EDRF1: variants seen among roughly 807,000 people sequenced by gnomAD.
EDRF1 encodes the protein erythroid differentiation regulatory factor 1.
A neutral mutation model predicts 148.7 loss-of-function variants in EDRF1; 69 were observed. That is an observed-to-expected ratio of 0.46 (90% CI 0.38 to 0.57). The LOEUF (loss-of-function observed/expected upper bound fraction) is 0.57. Ranked by LOEUF, EDRF1 falls within the 20% of genes least tolerant of loss-of-function variation. The pLI is 0.00. For missense variants in EDRF1, 1,118 were observed against 1,478.7 expected, an observed-to-expected ratio of 0.76 and a Z score of 4.00; for synonymous variants, 515 against 532.8, an observed-to-expected ratio of 0.97 and a Z score of 0.46.
At chr10:125,756,087 A>G (rs1849887482) in intron 24 of EDRF1, among the ~76,000 whole-genome samples, 1 of 152,194 alleles carries the variant, frequency 6.6e-6, no homozygotes, top group Admixed American at 6.5e-5. Context: ...TTTGCTGCCA[A>G]AAATTTTCTT....
intron 24 of EDRF1, among the ~76,000 whole-genome samples, chr10:125,755,293 G>A (rs1202760561): frequency 2.0e-5 from 3 of 152,154 alleles, no homozygotes; most frequent in African/African-American, 7.2e-5. Flanking sequence ...CTTGTTTAGT[G>A]GATTACGTTG....
At chr10:125,738,269 A>G in intron 14 of EDRF1, 26 bp from the exon 15 acceptor site, 1 of 1,613,946 alleles carries the variant, frequency 6.2e-7, no homozygotes, top group African/African-American at 1.3e-5. Flanking sequence ...TTAGATAGAT[A>G]GTGAATGCTT....
chr10:125,740,744 C>T, intron 16 of EDRF1, 93 bp downstream of exon 16: 1 of 1,356,756 alleles, frequency 7.4e-7, no homozygotes, highest in Non-Finnish European at 1.0e-6. Flanking sequence ...TCCTATTTTT[C>T]TAGTAAATCT....
In EDRF1 at chr10:125,735,713, T is replaced by A. The variant is rs1310319470; in HGVS notation, c.1567T>A (p.Ser523Thr). The part of the protein sequence containing the change: ...QLDEPKKEEN[S>T]ESPLNENSDE... ...GGATGAACCTAAAAAGGAAGAAAAT[T>A]CAGAATCTCCTTTAAATGAGAATTC... Residue 523 changes from serine to threonine, a missense_variant, in exon 13 of 25, where the codon TCA becomes ACA. This residue lies in a region of EDRF1 where 954 missense variants were observed against 1,241.4 expected (regional missense o/e 0.77). Coordinates refer to ENST00000356792, the MANE Select transcript of EDRF1 (RefSeq NM_001202438.2). 3 of 1,613,524 alleles carry A rather than the reference T, an allele frequency of 1.9e-6. No homozygotes were observed. The African/African-American group carries it at 4.0e-5, about 22-fold the overall frequency.
Position 125,719,993 on chromosome 10 carries a change from T to C in EDRF1, c.108+78T>C. 5 of 1,337,074 alleles carry C rather than the reference T, an allele frequency of 3.7e-6. No individual in the cohort carries two copies. In the South Asian group the frequency reaches 6.1e-5, roughly 16 times the overall value. The allele number at this position is 1,337,074 out of a possible 1,614,324, so 82.8% of individuals were successfully genotyped here. A position where few individuals can be genotyped will look rare whatever the true frequency, so the allele number is the denominator to read the frequency against. On this transcript the variant is annotated intron_variant, in intron 1 of 24. Coordinates refer to ENST00000356792, the MANE Select transcript of EDRF1 (RefSeq NM_001202438.2). The stretch of plus-strand genomic sequence containing the variant: ...CTCCACCGGGGAGGGATGCCACGGT[T>C]CCCGGCAGATTCTGGAGGCTTCTCC...
In EDRF1 at chr10:125,737,850, C is replaced by T. The variant is rs530362837; in HGVS notation, c.1759-68C>T. The stretch of plus-strand genomic sequence containing the variant: ...ATAATGCTTACAGTAATTTAATCTT[C>T]AACAAAAACAATATGTTGACCTTAA... On this transcript the variant is annotated intron_variant, in intron 13 of 24. Transcript: ENST00000356792. 4.7e-6 allele frequency: 7 copies of T among 1,479,028 alleles called. No homozygotes were observed. In the African/African-American group the frequency reaches 8.3e-5, roughly 18 times the overall value. The allele number at this position is 1,479,028 out of a possible 1,614,324, so 91.6% of individuals were successfully genotyped here.
intron 20 of EDRF1, 53 bp from the exon 21 acceptor site, chr10:125,747,810 C>T: frequency 6.2e-7 from 1 of 1,611,900 alleles, no homozygotes; most frequent in Non-Finnish European, 8.5e-7. Context: ...TTTAAAAACT[C>T]CTACAGTCAG....
rs1011876252 is a variant in EDRF1, at chr10:125,747,483, A to G, written c.2815-53A>G. ...GAAGTGTGTTTTATTTTAATGCAGT[A>G]TTGGTATATGTTTAAGCTGAGTCAG... On this transcript the variant is annotated intron_variant, in intron 19 of 24. Coordinates refer to ENST00000356792, the MANE Select transcript of EDRF1 (RefSeq NM_001202438.2). 1.5e-5 allele frequency: 23 copies of G among 1,582,430 alleles called. No individual in the cohort carries two copies. The East Asian group carries it at 3.6e-4, about 25-fold the overall frequency.
At position 125,720,024 on chromosome 10, in the gene EDRF1, TC is replaced by T. The variant is rs1028569046; in HGVS notation, c.108+112del. On this transcript the variant is annotated intron_variant, in intron 1 of 24. Transcript: ENST00000356792. Reference sequence around the variant, plus strand: ...CAGATTCTGGAGGCTTCTCCATGTTTCCCTGACACCCCCAAAACAGGGAGTT... The same window carrying T: ...CAGATTCTGGAGGCTTCTCCATGTTTCCTGACACCCCCAAAACAGGGAGTT... 4.0e-4 allele frequency: 377 copies of T among 954,234 alleles called. 4 individuals carry two copies. Among genetic ancestry groups the T allele is most frequent in the South Asian group, 3.2e-3 (208 of 64,088 alleles). The allele number at this position is 954,234 out of a possible 1,614,324, so 59.1% of individuals were successfully genotyped here.
chr10:125,733,031 A>G (rs543285095), intron 9 of EDRF1, among the ~76,000 whole-genome samples: 4 of 152,182 alleles, frequency 2.6e-5, no homozygotes, highest in Non-Finnish European at 5.9e-5. Flanking sequence ...GTGTTTTAAA[A>G]TCTTGCTGGG....
Position 125,752,779 on chromosome 10 carries a change from T to C in EDRF1, c.3278-20T>C. The C allele has an allele frequency of 6.6e-7, 1 of 1,503,940 alleles. No homozygotes were observed. The highest frequency in any genetic ancestry group is 1.7e-5 in the Admixed American group (1 of 59,854). 93.2% of individuals were successfully genotyped at this position (1,503,940 alleles called of 1,614,324 possible). A position where few individuals can be genotyped will look rare whatever the true frequency, so the allele number is the denominator to read the frequency against. ...TAGATTTATATTAAAGAAATGAACGTTTTGTATTTAAAACTTTAGGTCAGA... is the reference window on the plus strand; with the variant it reads ...TAGATTTATATTAAAGAAATGAACGCTTTGTATTTAAAACTTTAGGTCAGA... On this transcript the variant is annotated intron_variant, in intron 22 of 24. Transcript: ENST00000356792.
rs1253128547 is a variant in EDRF1 at position 125,749,576 on chromosome 10, A to C, written c.3277+11A>C. Reference sequence around the variant, plus strand: ...AATTTCAGATGACCAGTAAGTCTTAATTTTCATTTCTCAGATATGTATGCA... The same window carrying C: ...AATTTCAGATGACCAGTAAGTCTTACTTTTCATTTCTCAGATATGTATGCA... On this transcript the variant is annotated intron_variant, in intron 22 of 24. Transcript: ENST00000356792. The C allele has an allele frequency of 6.2e-7, 1 of 1,613,504 alleles. No homozygotes were observed. The highest frequency in any genetic ancestry group is 8.5e-7 in the Non-Finnish European group (1 of 1,179,992).
chr10:125,725,146 CAAAA>C (rs1209105681), intron 4 of EDRF1, among the ~76,000 whole-genome samples, 168 bp from the exon 5 acceptor site: 1 of 151,798 alleles, frequency 6.6e-6, no homozygotes, highest in Non-Finnish European at 1.5e-5. Context: ...CTTTAGGAAA[CAAAA>C]AACAAAAGAA....
intron 19 of EDRF1, chr10:125,747,238 A>C: frequency 3.2e-6 from 1 of 310,874 alleles, no homozygotes; most frequent in Non-Finnish European, 6.0e-6. Flanking sequence ...GAAAAAAAAA[A>C]ACAAAGGAAA....
chr10:125,722,883 ATT>A, intron 2 of EDRF1, among the ~76,000 whole-genome samples, 183 bp from the exon 3 acceptor site: 1 of 152,290 alleles, frequency 6.6e-6, no homozygotes, highest in South Asian at 2.1e-4. Context: ...ACACACCATT[ATT>A]TTAGTACCAC....
At position 125,745,294 on chromosome 10, in the gene EDRF1, CA is replaced by C. The variant is rs560610884; in HGVS notation, c.2591-412del. The C allele has an allele frequency of 5.7e-4, 120 of 209,658 alleles. 1 individual carries two copies. The East Asian group carries it at 0.013, about 22-fold the overall frequency. The allele number at this position is 209,658 out of a possible 1,614,324, so 13.0% of individuals were successfully genotyped here. On this transcript the variant is annotated intron_variant, in intron 18 of 24. Coordinates refer to ENST00000356792, the MANE Select transcript of EDRF1 (RefSeq NM_001202438.2). ...GGTGGCAGCAGCATTGGATTCCTCT[CA>C]TGTTTCTACCTTGGCTTGCAGATAA... is the stretch of plus-strand genomic sequence containing the variant.
rs554290383 is a variant in EDRF1 at position 125,753,348 on chromosome 10, T to C, written c.3394-346T>C. Among the ~76,000 whole-genome samples, 53 of 152,344 alleles carry C rather than the reference T, an allele frequency of 3.5e-4. No homozygotes were observed. In the South Asian group the frequency reaches 7.7e-3, roughly 22 times the overall value. ...TTTCTGGGCATTCCGGCATTCATTT[T>C]ACCTTCTGCTGTTGCTAAAAGCTTC... On this transcript the variant is annotated intron_variant, in intron 23 of 24. Coordinates refer to ENST00000356792, the MANE Select transcript of EDRF1 (RefSeq NM_001202438.2).
intron 8 of EDRF1, among the ~76,000 whole-genome samples, chr10:125,729,708 G>A (rs1433105018): frequency 6.6e-6 from 1 of 152,130 alleles, no homozygotes; most frequent in African/African-American, 2.4e-5. Flanking sequence ...AGTTGAAATG[G>A]CCACATTAAG....
rs1405629570 is a variant in EDRF1 at position 125,747,983 on chromosome 10, T to G, written c.3094T>G (p.Ser1032Ala). ...TGCAACCATCCATCACAGGCTGGCC[T>G]CCATGTACCACAGCTGTCTGAGGAA... ...RAATIHHRLA[S>A]MYHSCLRNQV... Residue 1032 changes from serine to alanine, a missense_variant, in exon 21 of 25, where the codon TCC (serine) becomes GCC (alanine). By Grantham distance (99) the Ser-to-Ala change is moderately conservative. This residue lies in a region of EDRF1 where 954 missense variants were observed against 1,241.4 expected (regional missense o/e 0.77). Coordinates refer to ENST00000356792, the MANE Select transcript of EDRF1 (RefSeq NM_001202438.2). 12 of 1,614,088 alleles carry G rather than the reference T, an allele frequency of 7.4e-6. No homozygotes were observed. The highest frequency in any genetic ancestry group is 1.0e-5 in the Non-Finnish European group (12 of 1,180,052).
Sources: allele counts gnomAD v4.1 joint callset (sites outside exome capture counted in the v4.1 genomes callset), GRCh38; gene constraint gnomAD v4.1.1; regional missense constraint gnomAD v4.1.1; transcripts MANE v1.5; gene names NCBI Gene and HGNC (gene_info 2026-07-23, HGNC 2026-07-21).